CHD8: variants seen among roughly 807,000 people sequenced by gnomAD.
CHD8 encodes ATP-dependent chromatin remodeler CHD8.
CHD8 carries 31 observed loss-of-function variants against 279.2 expected under a neutral mutation model. The observed-to-expected ratio is 0.11, with a 90% CI of 0.08 to 0.15. CHD8 has a LOEUF of 0.15. CHD8 is among the 10% of genes least tolerant of loss of function. The pLI is 1.00. For missense variants in CHD8, 2,146 were observed against 3,230.5 expected (o/e 0.66, Z 8.14); for synonymous variants, 1,081 against 1,139.6 (o/e 0.95, Z 1.04).
rs1466067489 is a variant in CHD8 at position 21,431,371 on chromosome 14, G to A, written c.273C>T (p.Thr91=). ...CAGGCTGAGTGGTATAATCATGCAA[G>A]GTTATGGATTCTGGAGCTGGAGCTG... The part of the protein sequence containing the change: ...ESTAPAPESI[T]LHDYTTQPAS... The change falls in exon 2 of 38, where the codon ACC becomes ACT. Residue 91 remains threonine, a synonymous_variant. Transcript: ENST00000646647. 4 of 1,537,394 alleles carry A rather than the reference G, an allele frequency of 2.6e-6. No homozygotes were observed. The highest frequency in any genetic ancestry group is 3.5e-6 in the Non-Finnish European group (4 of 1,146,986).
chr14:21,423,555 G>GT (rs1889152903), intron 5 of CHD8, among the ~76,000 whole-genome samples: 1 of 151,950 alleles, frequency 6.6e-6, no homozygotes, highest in Admixed American at 6.6e-5. Flanking sequence ...AGGGGGTGCA[G>GT]TAACAGTCTC....
At chr14:21,439,319 A>G (rs1889898147) in intron 1 of CHD8, among the ~76,000 whole-genome samples, 1 of 152,192 alleles carries the variant, frequency 6.6e-6, no homozygotes, top group Non-Finnish European at 1.5e-5. Flanking sequence ...ACTCCTGTAA[A>G]CAGCAATACT....
At chr14:21,441,641 C>A (rs1489452402) in intron 1 of CHD8, among the ~76,000 whole-genome samples, 4 of 152,098 alleles carry the variant, frequency 2.6e-5, no homozygotes, top group Non-Finnish European at 5.9e-5. Flanking sequence ...GTAATCCCAG[C>A]ACTTTGGGAG....
Position 21,400,083 on chromosome 14 carries a change from G to A in CHD8, c.4728-13C>T. On this transcript the variant is annotated splice_polypyrimidine_tract_variant and intron_variant, in intron 24 of 37. Transcript: ENST00000646647. This position sits in a 1 kb window ranked among gnomAD's most constrained non-coding sequence, Gnocchi z 4.2. ...CCGCAACAGTACCCTAGAAAGGACA[G>A]AGGAAGAGCTGGCTCAGTAACACTG... 1 of 1,613,690 alleles carries A rather than the reference G, an allele frequency of 6.2e-7. No homozygotes were observed. The highest frequency in any genetic ancestry group is 1.3e-5 in the African/African-American group (1 of 75,014).
In CHD8 at chr14:21,431,362, A is replaced by G; in HGVS notation, c.282T>C (p.Asp94=). Residue 94 remains aspartate (D), a synonymous_variant, in exon 2 of 38, where the codon GAT becomes GAC. Transcript: ENST00000646647. ...APAPESITLH[D]YTTQPASQEQ... ...CCTGGCTGGCAGGCTGAGTGGTATAATCATGCAAGGTTATGGATTCTGGAG... is the reference window on the plus strand; with the variant it reads ...CCTGGCTGGCAGGCTGAGTGGTATAGTCATGCAAGGTTATGGATTCTGGAG... The G allele has an allele frequency of 6.5e-7, 1 of 1,537,530 alleles. No homozygotes were observed. The highest frequency in any genetic ancestry group is 8.7e-7 in the Non-Finnish European group (1 of 1,147,072).
rs540806381 is a variant in CHD8, at chr14:21,409,839, A to G, written c.2364+12T>C. 1 of 1,611,590 alleles carries G rather than the reference A, an allele frequency of 6.2e-7. No homozygotes were observed. The highest frequency in any genetic ancestry group is 1.1e-5 in the South Asian group (1 of 90,522). ...TATGTAGGCCTTTATACTTTAATGCAAATGTACTTACCACCCTTTTGAGTT... is the reference window on the plus strand; with the variant it reads ...TATGTAGGCCTTTATACTTTAATGCGAATGTACTTACCACCCTTTTGAGTT... On this transcript the variant is annotated intron_variant, in intron 11 of 37. Transcript: ENST00000646647.
chr14:21,405,977 A>C lies in CHD8; in HGVS notation c.2908-113T>G, dbSNP rs1248847551. ...TAACCTTTAATTTCTTTATCTATAA[A>C]ATGATGAGAATGGACCAGTGATCTG... On this transcript the variant is annotated intron_variant, in intron 14 of 37. Transcript: ENST00000646647. This position sits in a 1 kb window ranked among gnomAD's most constrained non-coding sequence, Gnocchi z 4.2. 5 of 750,494 alleles carry C rather than the reference A, an allele frequency of 6.7e-6. No homozygotes were observed. Among genetic ancestry groups the C allele is most frequent in the Non-Finnish European group, 1.0e-5 (5 of 497,648 alleles). The allele number at this position is 750,494 out of a possible 1,614,324, so 46.5% of individuals were successfully genotyped here. A position where few individuals can be genotyped will look rare whatever the true frequency, so the allele number is the denominator to read the frequency against.
chr14:21,415,970 T>C, intron 5 of CHD8, 63 bp from the exon 6 acceptor site: 4 of 1,379,242 alleles, frequency 2.9e-6, no homozygotes, highest in Non-Finnish European at 4.0e-6. Context: ...CTTTTAAAAT[T>C]ATTTGCTCAT....
chr14:21,426,273 T>G, intron 4 of CHD8, 31 bp from the exon 5 acceptor site: 1 of 1,184,774 alleles, frequency 8.4e-7, no homozygotes, highest in Non-Finnish European at 1.2e-6. Context: ...TCATTTTCAG[T>G]GAAAGCAAAG....
chr14:21,394,074 T>C lies in CHD8; in HGVS notation c.5721A>G (p.Glu1907=). Residue 1907 remains glutamate, a synonymous_variant, in exon 32 of 38, where the codon GAA becomes GAG. Coordinates refer to ENST00000646647, the MANE Select transcript of CHD8 (RefSeq NM_001170629.2). Reference sequence around the variant, plus strand: ...GAGGCTGACACAATGCCAGCCGATCTTCCAAAAGGGGGTGGCATAAAACTT... The same window carrying C: ...GAGGCTGACACAATGCCAGCCGATCCTCCAAAAGGGGGTGGCATAAAACTT... ...REQVLCHPLL[E]DRLALCQPPG... 6.2e-7 allele frequency: 1 copy of C among 1,613,938 alleles called. No individual in the cohort carries two copies. The highest frequency in any genetic ancestry group is 8.5e-7 in the Non-Finnish European group (1 of 1,179,856).
rs61756310 is a variant in CHD8, at chr14:21,431,322, G to C, written c.322C>G (p.Pro108Ala). ...GTTGGCGTCGATGTCTGTAAGACAG[G>C]TTGGGCTGGCTGCTCCTGGCTGGCA... Reference protein sequence around the residue: ...QPASQEQPAQPVLQTSTPTSG... With the variant: ...QPASQEQPAQAVLQTSTPTSG... Residue 108 changes from proline (P) to alanine (A), a missense_variant, in exon 2 of 38, where the codon CCT (proline) becomes GCT (alanine). By Grantham distance (27) the Pro-to-Ala change is conservative. Around this residue, in one of 26 missense-constraint regions of CHD8, gnomAD observed 302 missense variants for 325.5 expected, o/e 0.93. Coordinates refer to ENST00000646647, the MANE Select transcript of CHD8 (RefSeq NM_001170629.2). The C allele has an allele frequency of 3.0e-5, 46 of 1,546,016 alleles. No individual in the cohort carries two copies. Among genetic ancestry groups the C allele is most frequent in the Non-Finnish European group, 3.9e-5 (45 of 1,152,154 alleles).
At chr14:21,441,875 C>T (rs1030292116) in intron 1 of CHD8, among the ~76,000 whole-genome samples, 3 of 147,010 alleles carry the variant, frequency 2.0e-5, no homozygotes, top group South Asian at 4.5e-4. Context: ...GGTGACAGAG[C>T]GAGACTCCAC....
At chr14:21,441,879 A>T (rs1055569995) in intron 1 of CHD8, among the ~76,000 whole-genome samples, 4 of 140,864 alleles carry the variant, frequency 2.8e-5, no homozygotes, top group African/African-American at 1.0e-4. Context: ...ACAGAGCGAG[A>T]CTCCACCTCA....
At chr14:21,448,447 T>G (rs1890177509) in intron 1 of CHD8, among the ~76,000 whole-genome samples, 1 of 152,224 alleles carries the variant, frequency 6.6e-6, no homozygotes, top group South Asian at 2.1e-4. Context: ...CGTAAATAAA[T>G]CTTACATTCT....
Position 21,437,313 on chromosome 14 carries a change from C to T in CHD8, c.-215-5455G>A, listed in dbSNP as rs187334904. ...CGCCCCGCGCCATCATTGGCTGAAG[C>T]GCACTGCCACTCACCAAAGGCGAAA... On this transcript the variant is annotated intron_variant, in intron 1 of 37. Transcript: ENST00000646647. 1.6e-5 allele frequency: 18 copies of T among 1,106,322 alleles called. No individual in the cohort carries two copies. The African/African-American group carries it at 2.6e-4, about 16-fold the overall frequency. 68.5% of individuals were successfully genotyped at this position (1,106,322 alleles called of 1,614,324 possible).
At chr14:21,401,747 G>T in intron 20 of CHD8, 1 of 589,156 alleles carries the variant, frequency 1.7e-6, no homozygotes, top group Non-Finnish European at 2.9e-6. Flanking sequence ...ACCATTCCTG[G>T]CTAATTTTTG....
At chr14:21,436,673 T>C (rs1185479307) in intron 1 of CHD8, among the ~76,000 whole-genome samples, 1 of 152,176 alleles carries the variant, frequency 6.6e-6, no homozygotes, top group Non-Finnish European at 1.5e-5. Context: ...ATCAAGGGTA[T>C]GGTCATTTGG....
In CHD8 at chr14:21,386,109, T is replaced by C; in HGVS notation, c.7250A>G (p.Lys2417Arg). ...PGPIAPESSKKRARRMRPDLS... is the reference protein window; with the variant it reads ...PGPIAPESSKRRARRMRPDLS... Reference sequence around the variant, plus strand: ...GTCTGGTCGCATCCTACGGGCCCGCTTCTTGCTGCTCTCTGGTGCAATAGG... The same window carrying C: ...GTCTGGTCGCATCCTACGGGCCCGCCTCTTGCTGCTCTCTGGTGCAATAGG... Residue 2417 changes from lysine to arginine, a missense_variant, in exon 38 of 38, where the codon AAG becomes AGG. This residue lies in a region of CHD8 where 336 missense variants were observed against 392.9 expected (regional missense o/e 0.86). Transcript: ENST00000646647. 1 of 1,555,526 alleles carries C rather than the reference T, an allele frequency of 6.4e-7. No individual in the cohort carries two copies. Among genetic ancestry groups the C allele is most frequent in the Non-Finnish European group, 8.7e-7 (1 of 1,149,002 alleles).
chr14:21,453,914 G>A (rs56108731), intron 1 of CHD8, among the ~76,000 whole-genome samples: 3,485 of 151,668 alleles, frequency 0.023, 212 homozygotes, highest in African/African-American at 0.08. Context: ...CCAGCACTTC[G>A]GGAGGCCGAG....
Sources: gnomAD v4.1 joint callset for allele counts (sites outside exome capture counted in the v4.1 genomes callset) on GRCh38, gnomAD v4.1.1 for gene constraint, gnomAD v4.1.1 regional missense constraint, Gnocchi (gnomAD v3.1) non-coding constraint, MANE v1.5 for transcripts, NCBI Gene and HGNC (gene_info 2026-07-23, HGNC 2026-07-21) for gene names.